Variants in ANO6 observed in about 807,000 individuals in gnomAD.
ANO6 encodes the protein anoctamin 6, also known as anoctamin-6.
ANO6 carries 106 observed loss-of-function variants against 117.5 expected under a neutral mutation model. That is an observed-to-expected ratio of 0.90 (90% confidence interval 0.77 to 1.06). The LOEUF (loss-of-function observed/expected upper bound fraction) is 1.06, where lower values mean the gene tolerates loss of function less well. ANO6 is among the 50% of genes least tolerant of loss of function. ANO6 has a pLI of 0.00. For missense variants in ANO6, 955 were observed against 1,121.1 expected (o/e 0.85, Z 2.12); for synonymous variants, 367 against 385.1 (o/e 0.95, Z 0.55).
intron 19 of ANO6, among the ~76,000 whole-genome samples, chr12:45,438,819 T>C (rs11183037): frequency 0.054 from 8,288 of 152,232 alleles, 428 homozygotes; most frequent in East Asian, 0.3. Context: ...ATGACCCACA[T>C]TGATCCTGTA....
At chr12:45,305,884 G>A (rs150243986) in intron 2 of ANO6, among the ~76,000 whole-genome samples, 1 of 152,046 alleles carries the variant, frequency 6.6e-6, no homozygotes, top group Non-Finnish European at 1.5e-5. Flanking sequence ...TAGACCCCAG[G>A]TTGATTCCAA....
intron 1 of ANO6, among the ~76,000 whole-genome samples, chr12:45,246,300 G>A (rs1947824358): frequency 6.6e-6 from 1 of 152,158 alleles, no homozygotes; most frequent in Admixed American, 6.5e-5. Flanking sequence ...ACTGAAACTT[G>A]GTGAAAGTTT....
At chr12:45,301,962 T>G (rs1364215533) in intron 1 of ANO6, 52 bp from the exon 2 acceptor site, 113 of 1,477,998 alleles carry the variant, frequency 7.6e-5, no homozygotes, top group Non-Finnish European at 9.5e-5. Context: ...CAGAACTACG[T>G]GAGCCAGTGC....
intron 15 of ANO6, among the ~76,000 whole-genome samples, chr12:45,403,933 A>C (rs1942866396): frequency 6.6e-6 from 1 of 152,150 alleles, no homozygotes. Context: ...TTTAAAAGTC[A>C]GTATGAATTC....
intron 8 of ANO6, 136 bp downstream of exon 8, chr12:45,357,560 T>C (rs1941445763): frequency 8.5e-7 from 1 of 1,174,918 alleles, no homozygotes; most frequent in African/African-American, 1.5e-5. Context: ...ATCCCTTTTG[T>C]TCTGAGCACA....
rs528366128 is a variant in ANO6 at position 45,263,216 on chromosome 12, A to G, written c.71-38798A>G. ...AACAGGGGCCGGTACAAGATGTTCT[A>G]TTTTTTATCTTGAGAGACAGAGTCT... On this transcript the variant is annotated intron_variant, in intron 1 of 19. Transcript: ENST00000320560. Among the ~76,000 whole-genome samples the G allele has an allele frequency of 4.1e-4, 63 of 151,818 alleles. 2 individuals carry two copies. The highest frequency in any genetic ancestry group is 1.5e-3 in the African/African-American group (62 of 41,440).
chr12:45,347,318 G>T, intron 4 of ANO6: 1 of 472,126 alleles, frequency 2.1e-6, no homozygotes, highest in Non-Finnish European at 3.7e-6. Context: ...ATGCATGTAT[G>T]AATGATTATT....
rs551517877 is a variant in ANO6, at chr12:45,255,818, G to GTTTTTTTTTTTTTTTTTTTTT, written c.70+39447_70+39448insTTTTTTTTTTTTTTTTTTTTT. ...CTGGCCCCAGGTTTTCTCCCTGGGT[G>GTTTTTTTTTTTTTTTTTTTTT]TTTTTTTTTTTTTTTTTTTTGAGAC... On this transcript the variant is annotated intron_variant, in intron 1 of 19. Coordinates refer to ENST00000320560, the MANE Select transcript of ANO6 (RefSeq NM_001025356.3). 1.8e-3 allele frequency among the ~76,000 whole-genome samples: 148 copies of GTTTTTTTTTTTTTTTTTTTTT among 81,684 alleles called. 6 individuals are homozygous for GTTTTTTTTTTTTTTTTTTTTT. Among genetic ancestry groups the GTTTTTTTTTTTTTTTTTTTTT allele is most frequent in the East Asian group, 2.8e-3 (8 of 2,816 alleles). 53.6% of individuals were successfully genotyped at this position (81,684 alleles called of 152,430 possible).
chr12:45,292,925 T>C, intron 1 of ANO6: 1 of 1,551,452 alleles, frequency 6.4e-7, no homozygotes, highest in Non-Finnish European at 8.7e-7. Context: ...TGGAATGTTT[T>C]GTGCTGCTGG....
At position 45,431,746 on chromosome 12, in the gene ANO6, AGAGGCAGCAGCCC is replaced by A. The variant is rs1211323303; in HGVS notation, c.*2436_*2448del. 1.0e-6 allele frequency: 1 copy of A among 985,378 alleles called. No individual in the cohort carries two copies. The highest frequency in any genetic ancestry group is 1.2e-6 in the Non-Finnish European group (1 of 829,978). The allele number at this position is 985,378 out of a possible 1,614,324, so 61.0% of individuals were successfully genotyped here. ...GGTGGCTGCATCTGTAAGTGGCTTC[AGAGGCAGCAGCCC>A]TGGGGAAATTGATGGGTGTGGCAGT... On this transcript the variant is annotated 3_prime_UTR_variant, in exon 20 of 20. Transcript: ENST00000320560.
intron 7 of ANO6, among the ~76,000 whole-genome samples, chr12:45,354,152 A>G (rs1458586915): frequency 6.6e-6 from 1 of 152,176 alleles, no homozygotes; most frequent in Non-Finnish European, 1.5e-5. Context: ...CCCAGCCTAG[A>G]GGATGAAAAT....
At chr12:45,347,922 CTG>C (rs1260329641) in intron 4 of ANO6, 104 bp from the exon 5 acceptor site, 3 of 1,086,060 alleles carry the variant, frequency 2.8e-6, no homozygotes, top group Non-Finnish European at 4.1e-6. Context: ...GTGGTGGTCT[CTG>C]TATTGTTTTT....
intron 3 of ANO6, among the ~76,000 whole-genome samples, chr12:45,333,676 A>G (rs1940741086): frequency 6.6e-6 from 1 of 152,032 alleles, no homozygotes; most frequent in South Asian, 2.1e-4. Flanking sequence ...CTGTGCTTTG[A>G]AGTGTTTTCA....
In ANO6 at chr12:45,216,164, G is replaced by A. The variant is rs561021809; in HGVS notation, c.-158G>A. Reference sequence around the variant, plus strand: ...TGGGCTCCGGTCGGTGGGTGCCTCGGCTCGGCTTTCCCCGGCGCTGGCTGG... The same window carrying A: ...TGGGCTCCGGTCGGTGGGTGCCTCGACTCGGCTTTCCCCGGCGCTGGCTGG... On this transcript the variant is annotated 5_prime_UTR_variant, in exon 1 of 20. Coordinates refer to ENST00000320560, the MANE Select transcript of ANO6 (RefSeq NM_001025356.3). 9.9e-5 allele frequency: 80 copies of A among 805,880 alleles called. 1 individual carries two copies. In the South Asian group the frequency reaches 1.3e-3, roughly 13 times the overall value. 49.9% of individuals were successfully genotyped at this position (805,880 alleles called of 1,614,324 possible). A position where few individuals can be genotyped will look rare whatever the true frequency, so the allele number is the denominator to read the frequency against.
At chr12:45,326,348 T>A (rs774018899) in intron 2 of ANO6, among the ~76,000 whole-genome samples, 1 of 152,188 alleles carries the variant, frequency 6.6e-6, no homozygotes, top group Non-Finnish European at 1.5e-5. Context: ...AACACAAGAC[T>A]GTTTTTTAAG....
In ANO6 at chr12:45,429,826, G is replaced by C; in HGVS notation, c.*515G>C. On this transcript the variant is annotated 3_prime_UTR_variant, in exon 20 of 20. Coordinates refer to ENST00000320560, the MANE Select transcript of ANO6 (RefSeq NM_001025356.3). Reference sequence around the variant, plus strand: ...AGACTCAAGGATTCACAATATTTAGGTGTATTTTCAATACCTCCAGAAAGG... The same window carrying C: ...AGACTCAAGGATTCACAATATTTAGCTGTATTTTCAATACCTCCAGAAAGG... 1 of 991,468 alleles carries C rather than the reference G, an allele frequency of 1.0e-6. No individual in the cohort carries two copies. The allele number at this position is 991,468 out of a possible 1,614,324, so 61.4% of individuals were successfully genotyped here.
chr12:45,339,137 G>A (rs1451878843), intron 3 of ANO6, among the ~76,000 whole-genome samples: 1 of 152,104 alleles, frequency 6.6e-6, no homozygotes, highest in African/African-American at 2.4e-5. Flanking sequence ...ATAGCTGCTT[G>A]TGTGCACTTG....
At chr12:45,282,938 C>T (rs1292013222) in intron 1 of ANO6, among the ~76,000 whole-genome samples, 1 of 152,162 alleles carries the variant, frequency 6.6e-6, no homozygotes, top group Non-Finnish European at 1.5e-5. Context: ...TACACACTTA[C>T]ATTACAAAAA....
intron 1 of ANO6, among the ~76,000 whole-genome samples, chr12:45,226,562 A>G (rs1947485108): frequency 6.6e-6 from 1 of 152,084 alleles, no homozygotes; most frequent in African/African-American, 2.4e-5. Flanking sequence ...TTACAGGCTT[A>G]TTTATAAAGC....
Sources: gnomAD v4.1 joint callset for allele counts (sites outside exome capture counted in the v4.1 genomes callset) on GRCh38, gnomAD v4.1.1 for gene constraint, MANE v1.5 for transcripts, NCBI Gene and HGNC (gene_info 2026-07-23, HGNC 2026-07-21) for gene names.